COPG2: variants seen among roughly 807,000 people sequenced by gnomAD.
The protein encoded by COPG2 is coatomer subunit gamma-2.
In COPG2, 37 loss-of-function variants were observed where a neutral mutation model predicts 46.3. The ratio of observed to expected loss-of-function variants is 0.80; its 90% CI spans 0.61 to 1.05. COPG2 has a LOEUF of 1.05. COPG2 is among the 50% of genes least tolerant of loss of function. The pLI is 0.00. For missense variants in COPG2, 427 were observed against 387.8 expected (o/e 1.10, Z -0.85); for synonymous variants, 159 against 129.7 (o/e 1.23, Z -1.53).
chr7:130,609,545 A>G (rs1794801115), intron 9 of COPG2, among the ~76,000 whole-genome samples: 1 of 152,238 alleles, frequency 6.6e-6, no homozygotes, highest in African/African-American at 2.4e-5. Flanking sequence ...CTTTATCAGC[A>G]GCATGAAAAT....
intron 9 of COPG2, among the ~76,000 whole-genome samples, chr7:130,566,120 T>A (rs1793798918): frequency 1.3e-5 from 2 of 152,158 alleles, no homozygotes; most frequent in Admixed American, 6.5e-5. Flanking sequence ...GCAGAATAAA[T>A]ACAAAAATAT....
chr7:130,507,210 C>T, intron 23 of COPG2, 64 bp downstream of exon 23: 2 of 772,684 alleles, frequency 2.6e-6, no homozygotes, highest in South Asian at 2.7e-5. Flanking sequence ...ATAAGATGCC[C>T]ATCTATATCC....
chr7:130,538,566 A>G (rs1799906794), intron 20 of COPG2, among the ~76,000 whole-genome samples: 1 of 151,934 alleles, frequency 6.6e-6, no homozygotes, highest in East Asian at 1.9e-4. Context: ...TTAGGAAAGG[A>G]AAGTAGGGGG....
intron 9 of COPG2, among the ~76,000 whole-genome samples, chr7:130,570,767 A>C (rs1793881913): frequency 6.6e-6 from 1 of 152,180 alleles, no homozygotes; most frequent in African/African-American, 2.4e-5. Flanking sequence ...AAAAGAACAA[A>C]TCTGGAGGCA....
chr7:130,507,131 C>T, intron 23 of COPG2, 143 bp downstream of exon 23: 1 of 665,432 alleles, frequency 1.5e-6, no homozygotes, highest in Non-Finnish European at 2.7e-6. Context: ...GCATGCAAAA[C>T]AAATTATTCA....
chr7:130,555,116 G>C lies in COPG2; in HGVS notation c.1145C>G (p.Ala382Gly), dbSNP rs1793600488. Reference sequence around the variant, plus strand: ...GTATTTCTGACAGAGAGCACTAATTGCCTGTACAACCACCACCTGTAGAAA... The same window carrying C: ...GTATTTCTGACAGAGAGCACTAATTCCCTGTACAACCACCACCTGTAGAAA... ...SDEFKVVVVQ[A>G]ISALCQKYPR... Residue 382 changes from alanine (A) to glycine (G), a missense_variant, in exon 13 of 24, where the codon GCA (alanine) becomes GGA (glycine). Ala to Gly is a moderately conservative substitution (Grantham distance 60). Transcript: ENST00000425248. 1 of 398,326 alleles carries C rather than the reference G, an allele frequency of 2.5e-6. No individual in the cohort carries two copies. Among genetic ancestry groups the C allele is most frequent in the East Asian group, 3.6e-5 (1 of 28,070 alleles). The allele number at this position is 398,326 out of a possible 1,614,324, so 24.7% of individuals were successfully genotyped here. A position where few individuals can be genotyped will look rare whatever the true frequency, so the allele number is the denominator to read the frequency against.
chr7:130,611,300 C>G (rs1794844802), intron 8 of COPG2, among the ~76,000 whole-genome samples, 190 bp from the exon 9 acceptor site: 3 of 152,144 alleles, frequency 2.0e-5, no homozygotes, highest in African/African-American at 7.2e-5. Context: ...TAATTTACCC[C>G]TAGAAGCTGT....
intron 9 of COPG2, among the ~76,000 whole-genome samples, chr7:130,602,566 G>A (rs1794657425): frequency 6.6e-6 from 1 of 152,004 alleles, no homozygotes; most frequent in Non-Finnish European, 1.5e-5. Flanking sequence ...TCTGCCTCCT[G>A]GGTTCAAGCA....
At chr7:130,577,462 G>A (rs950041791) in intron 9 of COPG2, among the ~76,000 whole-genome samples, 7 of 152,146 alleles carry the variant, frequency 4.6e-5, no homozygotes, top group African/African-American at 7.2e-5. Context: ...TTTTCCGACC[G>A]GCTTAAAAAA....
At chr7:130,536,879 G>A (rs894248372) in intron 20 of COPG2, among the ~76,000 whole-genome samples, 2 of 152,292 alleles carry the variant, frequency 1.3e-5, no homozygotes, top group Non-Finnish European at 1.5e-5. Context: ...CTGTGCGGGT[G>A]AGAGCAGAGA....
chr7:130,535,575 T>G (rs911613238), intron 20 of COPG2, among the ~76,000 whole-genome samples: 2,432 of 151,086 alleles, frequency 0.016, 34 homozygotes, highest in Non-Finnish European at 0.023. Flanking sequence ...GCCTTGAACT[T>G]TGTTGCACAG....
intron 9 of COPG2, among the ~76,000 whole-genome samples, chr7:130,593,676 C>T (rs1794473992): frequency 6.6e-6 from 1 of 151,842 alleles, no homozygotes; most frequent in Non-Finnish European, 1.5e-5. Flanking sequence ...GGTATAGACA[C>T]ATATTTCAAC....
intron 20 of COPG2, among the ~76,000 whole-genome samples, chr7:130,538,636 A>C (rs1337838898): frequency 6.6e-6 from 1 of 150,546 alleles, no homozygotes; most frequent in East Asian, 2.0e-4. Context: ...ACATTCAGAC[A>C]GCACCTGCAT....
intron 5 of COPG2, among the ~76,000 whole-genome samples, chr7:130,647,710 G>A (rs1795643601): frequency 6.6e-6 from 1 of 150,572 alleles, no homozygotes; most frequent in Admixed American, 6.6e-5. Flanking sequence ...ATTCTAGTGG[G>A]TATGCTGTAC....
In COPG2 at chr7:130,554,547, C is replaced by G; in HGVS notation, c.1402G>C (p.Val468Leu). 2.5e-6 allele frequency: 1 copy of G among 398,620 alleles called. No individual in the cohort carries two copies. Among genetic ancestry groups the G allele is most frequent in the Non-Finnish European group, 4.4e-6 (1 of 226,080 alleles). The allele number at this position is 398,620 out of a possible 1,614,324, so 24.7% of individuals were successfully genotyped here. A position where few individuals can be genotyped will look rare whatever the true frequency, so the allele number is the denominator to read the frequency against. ...LLGKEGPRTP[V>L]PSKYIRFIFN... ...ATAAAACGGATATATTTGGAGGGGA[C>G]AGGCGTTCTAGGGCCCTCTTTGCCC... Residue 468 changes from valine to leucine, a missense_variant, in exon 14 of 24, where the codon GTC becomes CTC. Val to Leu is a conservative substitution (Grantham distance 32). Transcript: ENST00000425248.
At chr7:130,550,689 C>T (rs1793525519) in intron 16 of COPG2, 40 bp from the exon 17 acceptor site, 1 of 393,850 alleles carries the variant, frequency 2.5e-6, no homozygotes, top group Non-Finnish European at 4.5e-6. Context: ...TAACCTCTTG[C>T]CAATCCTCGA....
At chr7:130,592,297 C>T (rs541725039) in intron 9 of COPG2, among the ~76,000 whole-genome samples, 5 of 151,682 alleles carry the variant, frequency 3.3e-5, no homozygotes, top group Non-Finnish European at 5.9e-5. Flanking sequence ...CTAGGAAAAC[C>T]AGAGACCTTT....
At chr7:130,652,475 A>G (rs1554459252) in intron 5 of COPG2, among the ~76,000 whole-genome samples, 1 of 152,200 alleles carries the variant, frequency 6.6e-6, no homozygotes, top group East Asian at 1.9e-4. Flanking sequence ...ACGACTATCT[A>G]AAGACGTTTA....
intron 20 of COPG2, among the ~76,000 whole-genome samples, chr7:130,514,959 T>C (rs1250288040): frequency 3.9e-5 from 6 of 152,116 alleles, no homozygotes; most frequent in Non-Finnish European, 7.4e-5. Context: ...AAGACCTGAA[T>C]AGGAATGAGT....
Sources: allele counts gnomAD v4.1 joint callset (sites outside exome capture counted in the v4.1 genomes callset), GRCh38; gene constraint gnomAD v4.1.1; transcripts MANE v1.5; gene names NCBI Gene and HGNC (gene_info 2026-07-23, HGNC 2026-07-21).